TFB1M: variants seen among roughly 807,000 people sequenced by gnomAD.
The protein encoded by TFB1M is transcription factor B1, mitochondrial, also known as dimethyladenosine transferase 1, mitochondrial.
In TFB1M, 27 loss-of-function variants were observed where a neutral mutation model predicts 31.1. The observed-to-expected ratio is 0.87, with a 90% CI of 0.64 to 1.20. The LOEUF is 1.20. Ranked by LOEUF, TFB1M falls within the 50% of genes most tolerant of loss-of-function variation. The probability of loss-of-function intolerance (pLI) is 0.00; values close to 1 mark genes in which losing one functional copy is unlikely to be tolerated. For missense variants in TFB1M, 394 were observed against 418.7 expected, an observed-to-expected ratio of 0.94 and a Z score of 0.51; for synonymous variants, 166 against 151.8, an observed-to-expected ratio of 1.09 and a Z score of -0.69.
At chr6:155,247,226 C>T in the TFB1M span, among the ~76,000 whole-genome samples, 52 of 152,334 alleles carry the variant, frequency 3.4e-4, no homozygotes, top group African/African-American at 1.2e-3. Flanking sequence ...TACAAATAAG[C>T]AACAACTAGA....
chr6:155,275,667 C>A, intron 5 of TFB1M: 2 of 1,494,222 alleles, frequency 1.3e-6, no homozygotes, highest in African/African-American at 1.4e-5. Context: ...TTCTGACAGC[C>A]ATCATTGTTA....
At chr6:155,276,384 CTG>C in intron 5 of TFB1M, 1 of 1,600,680 alleles carries the variant, frequency 6.2e-7, no homozygotes. Flanking sequence ...GTGTAAATAA[CTG>C]AGTAATGCAT....
At chr6:155,239,869 T>A in the TFB1M span, among the ~76,000 whole-genome samples, 3 of 152,198 alleles carry the variant, frequency 2.0e-5, no homozygotes, top group African/African-American at 4.8e-5. Context: ...GCCTGTGCGC[T>A]CTGCAGGGCT....
chr6:155,249,835 A>G, the TFB1M span: 1 of 1,588,748 alleles, frequency 6.3e-7, no homozygotes, highest in Non-Finnish European at 8.6e-7. Context: ...AATAAATATG[A>G]TTTCATATCT....
At chr6:155,253,866 G>A, downstream of TFB1M, 1 of 769,712 alleles carries the variant, frequency 1.3e-6, no homozygotes, top group Non-Finnish European at 2.1e-6. Context: ...GCCAGGACTG[G>A]GAATATTAGA....
chr6:155,270,863 C>G (rs1484348131), intron 5 of TFB1M, among the ~76,000 whole-genome samples: 1 of 152,186 alleles, frequency 6.6e-6, no homozygotes, highest in Non-Finnish European at 1.5e-5. Flanking sequence ...CAATTCAACT[C>G]AACTTCTTCC....
chr6:155,248,866 GGA>G, the TFB1M span, among the ~76,000 whole-genome samples: 2 of 152,124 alleles, frequency 1.3e-5, no homozygotes, highest in Admixed American at 6.5e-5. Flanking sequence ...AAATTTATGG[GGA>G]GAGAGAGGCT....
At chr6:155,313,450 G>C (rs1306416513) in intron 1 of TFB1M, among the ~76,000 whole-genome samples, 5 of 152,052 alleles carry the variant, frequency 3.3e-5, no homozygotes, top group Admixed American at 6.5e-5. Context: ...TAAATAGAAT[G>C]AAATATGAAA....
chr6:155,260,502 C>T, intron 5 of TFB1M, 102 bp from the exon 6 acceptor site: 1 of 1,489,324 alleles, frequency 6.7e-7, no homozygotes. Context: ...CTGTCAACAG[C>T]CTGTTTTCAT....
the TFB1M span, among the ~76,000 whole-genome samples, chr6:155,242,671 A>G: frequency 6.6e-6 from 1 of 152,230 alleles, no homozygotes; most frequent in Non-Finnish European, 1.5e-5. Context: ...AGGACTCAAA[A>G]TTCTTCAGAA....
chr6:155,275,095 G>T (rs577750277), intron 5 of TFB1M, among the ~76,000 whole-genome samples: 114 of 151,896 alleles, frequency 7.5e-4, no homozygotes, highest in African/African-American at 2.6e-3. Flanking sequence ...GCATGGTGGC[G>T]GGCGCCTGTA....
At chr6:155,288,909 A>G (rs1776782545) in intron 4 of TFB1M, among the ~76,000 whole-genome samples, 2 of 152,192 alleles carry the variant, frequency 1.3e-5, no homozygotes, top group Admixed American at 1.3e-4. Flanking sequence ...AAAATTCAAC[A>G]TCCATTACAA....
chr6:155,288,793 G>C (rs1024964683), intron 4 of TFB1M, among the ~76,000 whole-genome samples: 3 of 152,088 alleles, frequency 2.0e-5, no homozygotes, highest in African/African-American at 7.2e-5. Flanking sequence ...AGACCAGAAA[G>C]CTCTACAAAA....
At chr6:155,302,222 T>C (rs992481579) in intron 2 of TFB1M, among the ~76,000 whole-genome samples, 1 of 152,228 alleles carries the variant, frequency 6.6e-6, no homozygotes, top group Non-Finnish European at 1.5e-5. Context: ...AAGGGGTTCA[T>C]GGCAGCCAAC....
intron 5 of TFB1M, among the ~76,000 whole-genome samples, chr6:155,265,320 C>T (rs1360438512): frequency 6.6e-6 from 1 of 152,194 alleles, no homozygotes; most frequent in Admixed American, 6.5e-5. Context: ...TAAACAAACT[C>T]AGAAGGCACT....
intron 5 of TFB1M, among the ~76,000 whole-genome samples, chr6:155,284,240 G>T (rs1776520844): frequency 6.6e-6 from 1 of 152,170 alleles, no homozygotes; most frequent in African/African-American, 2.4e-5. Flanking sequence ...ATTGGTTAGG[G>T]TCTCCATTCT....
intron 5 of TFB1M, among the ~76,000 whole-genome samples, chr6:155,272,895 A>G (rs927717): frequency 0.66 from 99,788 of 152,016 alleles, 33,511 homozygotes; most frequent in East Asian, 0.98. Flanking sequence ...GTTATAAAAT[A>G]TATCAGTTAA....
chr6:155,290,147 G>A (rs1437809410), intron 4 of TFB1M, among the ~76,000 whole-genome samples: 1 of 152,140 alleles, frequency 6.6e-6, no homozygotes, highest in African/African-American at 2.4e-5. Context: ...AGCACTTTAG[G>A]AGGCTGAGGC....
At chr6:155,276,213 A>G (rs752783633) in intron 5 of TFB1M, 1 of 1,614,116 alleles carries the variant, frequency 6.2e-7, no homozygotes, top group South Asian at 1.1e-5. Flanking sequence ...GGAGCTATCT[A>G]TATCGGATTC....
Sources: gnomAD v4.1 joint callset for allele counts (sites outside exome capture counted in the v4.1 genomes callset) on GRCh38, gnomAD v4.1.1 for gene constraint, MANE v1.5 for transcripts, NCBI Gene and HGNC (gene_info 2026-07-23, HGNC 2026-07-21) for gene names.